Variants in CLTCL1 observed in about 807,000 individuals in gnomAD.
CLTCL1 encodes the protein clathrin heavy chain 2.
Under a neutral mutation model 190.0 loss-of-function variants are expected in CLTCL1, and 159 were observed. The ratio of observed to expected loss-of-function variants is 0.84; its 90% CI spans 0.74 to 0.95. The LOEUF (loss-of-function observed/expected upper bound fraction) is 0.95. Ranked by LOEUF, CLTCL1 falls within the 40% of genes least tolerant of loss-of-function variation. CLTCL1 has a pLI of 0.00. For missense variants in CLTCL1, 1,878 were observed against 2,033.4 expected (o/e 0.92, Z 1.47); for synonymous variants, 752 against 769.6 (o/e 0.98, Z 0.38).
chr22:19,238,915 C>G (rs1322604000), intron 5 of CLTCL1, among the ~76,000 whole-genome samples: 1 of 152,154 alleles, frequency 6.6e-6, no homozygotes, highest in African/African-American at 2.4e-5. Context: ...TACACGTGCC[C>G]TGGTGGTTTG....
At chr22:19,226,958 G>A (rs560285337) in intron 11 of CLTCL1, among the ~76,000 whole-genome samples, 5 of 151,922 alleles carry the variant, frequency 3.3e-5, no homozygotes, top group Admixed American at 6.6e-5. Context: ...GGCTGGTCTC[G>A]AACTCCTGAC....
chr22:19,184,550 A>G (rs1179357536), intron 29 of CLTCL1: 1 of 455,912 alleles, frequency 2.2e-6, no homozygotes, highest in African/African-American at 2.0e-5. Flanking sequence ...CAAAGGCACC[A>G]GGATTCTGAC....
chr22:19,234,124 A>G (rs2086002438), intron 7 of CLTCL1, among the ~76,000 whole-genome samples: 1 of 152,228 alleles, frequency 6.6e-6, no homozygotes, highest in South Asian at 2.1e-4. Flanking sequence ...ATTCTAAAAG[A>G]GTGGAGAAAG....
At chr22:19,224,131 C>A in intron 13 of CLTCL1, 77 bp from the exon 14 acceptor site, 1 of 1,479,854 alleles carries the variant, frequency 6.8e-7, no homozygotes, top group Non-Finnish European at 9.3e-7. Flanking sequence ...CACCTTCCCT[C>A]GATGACCCTG....
chr22:19,217,431 AC>A (rs2085419079), intron 18 of CLTCL1, among the ~76,000 whole-genome samples: 3 of 152,032 alleles, frequency 2.0e-5, no homozygotes. Context: ...CCTGGCTAAC[AC>A]GGTGAAACCC....
At chr22:19,291,550 C>A (rs1463602286) in intron 1 of CLTCL1, 50 bp downstream of exon 1, 28 of 1,318,978 alleles carry the variant, frequency 2.1e-5, no homozygotes, top group Non-Finnish European at 2.5e-5. Context: ...GCAGTCCGGC[C>A]CGGCGGAGGC....
At chr22:19,207,047 C>T (rs1473298980) in intron 22 of CLTCL1, among the ~76,000 whole-genome samples, 2 of 122,634 alleles carry the variant, frequency 1.6e-5, no homozygotes, top group Non-Finnish European at 3.2e-5. Flanking sequence ...GACGGAGTCT[C>T]GCTCTGTCAC....
At chr22:19,291,519 G>T in intron 1 of CLTCL1, 81 bp downstream of exon 1, 1 of 1,217,020 alleles carries the variant, frequency 8.2e-7, no homozygotes, top group South Asian at 2.5e-5. Context: ...CAGCGGGGCT[G>T]GGGGCGCGGG....
At chr22:19,261,284 G>A (rs1009896580) in intron 2 of CLTCL1, among the ~76,000 whole-genome samples, 60 of 152,056 alleles carry the variant, frequency 3.9e-4, no homozygotes, top group African/African-American at 1.2e-3. Context: ...CTAATGTCTT[G>A]TATTTTTAAT....
chr22:19,219,079 G>A (rs2085481318), intron 18 of CLTCL1, among the ~76,000 whole-genome samples: 1 of 152,188 alleles, frequency 6.6e-6, no homozygotes, highest in African/African-American at 2.4e-5. Flanking sequence ...ACAGTTCCAA[G>A]TCAGCTTACC....
In CLTCL1 at chr22:19,216,294, T is replaced by G. The variant is rs370092438; in HGVS notation, c.2920-38A>C. ...AGCATTTGAAAGAACTTGATTAAAGTCAATTCAAGACTGTATCTTTGAAGC... is the reference window on the plus strand; with the variant it reads ...AGCATTTGAAAGAACTTGATTAAAGGCAATTCAAGACTGTATCTTTGAAGC... On this transcript the variant is annotated intron_variant, in intron 18 of 32. Coordinates refer to ENST00000427926, the MANE Select transcript of CLTCL1 (RefSeq NM_007098.4). The G allele has an allele frequency of 1.4e-5, 22 of 1,605,420 alleles. No individual in the cohort carries two copies. The African/African-American group carries it at 2.0e-4, about 15-fold the overall frequency.
chr22:19,203,020 A>G (rs1411511853), intron 22 of CLTCL1, among the ~76,000 whole-genome samples: 1 of 152,100 alleles, frequency 6.6e-6, no homozygotes, highest in Admixed American at 6.5e-5. Flanking sequence ...CTAGTTTAAA[A>G]CAAAACAAAA....
intron 1 of CLTCL1, among the ~76,000 whole-genome samples, chr22:19,286,443 A>AC (rs3831656): frequency 0.25 from 38,247 of 152,118 alleles, 5,115 homozygotes; most frequent in East Asian, 0.49. Context: ...GACATTTTAC[A>AC]TGGGATGCAA....
At chr22:19,261,962 T>C (rs1203020253) in intron 2 of CLTCL1, among the ~76,000 whole-genome samples, 2 of 152,204 alleles carry the variant, frequency 1.3e-5, no homozygotes, top group Admixed American at 6.5e-5. Context: ...GAGCAATCTT[T>C]CATTAAAGGA....
rs200317892 is a variant in CLTCL1, at chr22:19,233,600, G to A, written c.1190C>T (p.Thr397Met). ...GGGTATACTCTGGAATTTCTGGACC[G>A]TCTCTCTGGTACGCAGGATTCCCTA... is the stretch of plus-strand genomic sequence containing the variant. Reference protein sequence around the residue: ...APKGILRTRETVQKFQSIPAQ... With the variant: ...APKGILRTREMVQKFQSIPAQ... The change falls in exon 8 of 33, where the codon ACG (threonine) becomes ATG (methionine). Residue 397 changes from threonine (T) to methionine (M), a missense_variant. Transcript: ENST00000427926. 4.8e-5 allele frequency: 78 copies of A among 1,613,450 alleles called. No homozygotes were observed. The highest frequency in any genetic ancestry group is 3.6e-4 in the East Asian group (16 of 44,886).
intron 23 of CLTCL1, among the ~76,000 whole-genome samples, chr22:19,200,392 CA>C (rs1193644929): frequency 6.6e-6 from 1 of 152,210 alleles, no homozygotes; most frequent in Admixed American, 6.5e-5. Context: ...GTGATGCATA[CA>C]CCAGCACCCT....
intron 2 of CLTCL1, among the ~76,000 whole-genome samples, chr22:19,255,909 C>CAA (rs545204392): frequency 0.016 from 1,167 of 72,502 alleles, 22 homozygotes; most frequent in East Asian, 0.1. Flanking sequence ...GACTCTGTCT[C>CAA]AAAAAAAAAA....
At chr22:19,274,225 G>A (rs547195989) in intron 2 of CLTCL1, among the ~76,000 whole-genome samples, 1 of 152,254 alleles carries the variant, frequency 6.6e-6, no homozygotes, top group Non-Finnish European at 1.5e-5. Context: ...ACTTTGAGAG[G>A]CCAAGGCAGG....
At chr22:19,205,091 TA>T (rs34862446) in intron 22 of CLTCL1, among the ~76,000 whole-genome samples, 12 of 149,702 alleles carry the variant, frequency 8.0e-5, no homozygotes, top group Non-Finnish European at 1.6e-4. Context: ...GATCACTGAT[TA>T]AAAAAAAAAA....
Sources: gnomAD v4.1 joint callset for allele counts (sites outside exome capture counted in the v4.1 genomes callset) on GRCh38, gnomAD v4.1.1 for gene constraint, MANE v1.5 for transcripts, NCBI Gene and HGNC (gene_info 2026-07-23, HGNC 2026-07-21) for gene names.